UBE2Q2: variants seen among roughly 807,000 people sequenced by gnomAD.
UBE2Q2 encodes the protein ubiquitin-conjugating enzyme E2 Q2.
A neutral mutation model predicts 59.9 loss-of-function variants in UBE2Q2; 54 were observed. The observed-to-expected ratio is 0.90, with a 90% confidence interval of 0.72 to 1.13. UBE2Q2 has a LOEUF of 1.13. Among genes scored for constraint, UBE2Q2 ranks in the 50% most tolerant of loss-of-function variants. UBE2Q2 has a pLI of 0.00. For synonymous variants in UBE2Q2, 165 were observed against 155.2 expected, an observed-to-expected ratio of 1.06 and a Z score of -0.47; for missense variants, 433 against 441.9, an observed-to-expected ratio of 0.98 and a Z score of 0.18.
At chr15:75,863,854 C>T (rs150896299) in intron 3 of UBE2Q2, among the ~76,000 whole-genome samples, 367 of 152,176 alleles carry the variant, frequency 2.4e-3, no homozygotes, top group African/African-American at 7.7e-3. Context: ...GTTGGCCAGG[C>T]TGGTCTCGAA....
At chr15:75,849,467 C>T (rs1896525357) in intron 1 of UBE2Q2, among the ~76,000 whole-genome samples, 1 of 152,012 alleles carries the variant, frequency 6.6e-6, no homozygotes, top group Non-Finnish European at 1.5e-5. Flanking sequence ...TGAGATAGAG[C>T]CACACAATGG....
At chr15:75,877,842 T>C in intron 6 of UBE2Q2, 119 bp from the exon 7 acceptor site, 2 of 737,264 alleles carry the variant, frequency 2.7e-6, no homozygotes, top group Non-Finnish European at 4.4e-6. Flanking sequence ...AGCTTAGTTG[T>C]TCCATGTTTT....
intron 12 of UBE2Q2, among the ~76,000 whole-genome samples, chr15:75,898,565 T>C (rs1532783): frequency 0.04 from 6,071 of 152,268 alleles, 221 homozygotes; most frequent in African/African-American, 0.095. Context: ...TTGTTAACTA[T>C]AGTCACCATG....
At chr15:75,890,779 T>A in intron 10 of UBE2Q2, 140 bp from the exon 11 acceptor site, 1 of 748,590 alleles carries the variant, frequency 1.3e-6, no homozygotes, top group Non-Finnish European at 2.2e-6. Flanking sequence ...CTGGAAATGT[T>A]CCAATTTTAC....
rs573550669 is a variant in UBE2Q2, at chr15:75,873,106, G to A, written c.448-322G>A. ...TCTGGAACAAACTAGGAACACTTAA[G>A]GTTCTTGACACCTGCTGCTAAACTG... On this transcript the variant is annotated intron_variant, in intron 4 of 12. Transcript: ENST00000267938. 5.3e-5 allele frequency among the ~76,000 whole-genome samples: 8 copies of A among 152,312 alleles called. No homozygotes were observed. In the South Asian group the frequency reaches 1.7e-3, roughly 32 times the overall value.
In UBE2Q2 at chr15:75,843,514, A is replaced by T. The variant is rs1274117517; in HGVS notation, c.-153A>T. 2.6e-6 allele frequency: 1 copy of T among 385,590 alleles called. No individual in the cohort carries two copies. The highest frequency in any genetic ancestry group is 4.1e-6 in the Non-Finnish European group (1 of 246,120). The allele number at this position is 385,590 out of a possible 1,614,324, so 23.9% of individuals were successfully genotyped here. On this transcript the variant is annotated 5_prime_UTR_variant, in exon 1 of 13. Coordinates refer to ENST00000267938, the MANE Select transcript of UBE2Q2 (RefSeq NM_173469.4). ...CGCCGAGGCTTCCGCGCCCCTCGCC[A>T]TTTTCCAGCAGCGCTCGACGAGGCG...
chr15:75,850,823 C>T (rs1355563451), intron 1 of UBE2Q2, among the ~76,000 whole-genome samples: 1 of 152,118 alleles, frequency 6.6e-6, no homozygotes, highest in Admixed American at 6.5e-5. Context: ...ATGTAAGTTA[C>T]GTCTATTGGT....
At chr15:75,851,557 G>A (rs1400461041) in intron 1 of UBE2Q2, among the ~76,000 whole-genome samples, 9 of 152,086 alleles carry the variant, frequency 5.9e-5, no homozygotes, top group Non-Finnish European at 1.5e-5. Context: ...TCAAAAACTT[G>A]CATTTTATTA....
At position 75,879,153 on chromosome 15, in the gene UBE2Q2, G is replaced by A; in HGVS notation, c.790G>A (p.Gly264Ser). 2 of 1,601,584 alleles carry A rather than the reference G, an allele frequency of 1.2e-6. No individual in the cohort carries two copies. The highest frequency in any genetic ancestry group is 1.7e-6 in the Non-Finnish European group (2 of 1,174,358). Residue 264 changes from glycine (G) to serine (S), a missense_variant, in exon 8 of 13, where the codon GGC (glycine) becomes AGC (serine). Coordinates refer to ENST00000267938, the MANE Select transcript of UBE2Q2 (RefSeq NM_173469.4). ...SDLQILKEKE[G>S]IEYILLNFSF... Reference sequence around the variant, plus strand: ...TCTTCAGATCTTAAAAGAAAAAGAAGGCATAGAATATATTTTGCTTAACTT... The same window carrying A: ...TCTTCAGATCTTAAAAGAAAAAGAAAGCATAGAATATATTTTGCTTAACTT...
At chr15:75,865,601 A>G (rs1033763435) in intron 3 of UBE2Q2, among the ~76,000 whole-genome samples, 3 of 152,188 alleles carry the variant, frequency 2.0e-5, no homozygotes, top group Non-Finnish European at 2.9e-5. Context: ...AACTTTTTAA[A>G]AAGCATTTTC....
At chr15:75,876,142 T>A (rs1490342464) in intron 5 of UBE2Q2, 45 bp from the exon 6 acceptor site, 1 of 1,573,282 alleles carries the variant, frequency 6.4e-7, no homozygotes, top group African/African-American at 1.4e-5. Context: ...ATATCTTAAA[T>A]CTTAGCTCAG....
chr15:75,897,596 T>A (rs1899503962), intron 12 of UBE2Q2, among the ~76,000 whole-genome samples: 1 of 151,042 alleles, frequency 6.6e-6, no homozygotes, highest in Non-Finnish European at 1.5e-5. Context: ...GAATCAAGAT[T>A]TCTTTTTTTT....
At chr15:75,882,845 T>TTAGCAGGGC (rs1567037316) in intron 8 of UBE2Q2, among the ~76,000 whole-genome samples, 1 of 152,136 alleles carries the variant, frequency 6.6e-6, no homozygotes, top group Non-Finnish European at 1.5e-5. Flanking sequence ...AGCCGGAGAC[T>TTAGCAGGGC]TAGCAGGGCC....
intron 2 of UBE2Q2, among the ~76,000 whole-genome samples, chr15:75,859,420 T>A (rs990462637): frequency 6.6e-6 from 1 of 152,186 alleles, no homozygotes; most frequent in African/African-American, 2.4e-5. Flanking sequence ...TTTGCTTCTG[T>A]ATTTTTAAAT....
rs1300842017 is a variant in UBE2Q2 at position 75,843,587 on chromosome 15, C to T, written c.-80C>T. The T allele has an allele frequency of 3.1e-6, 4 of 1,300,772 alleles. No homozygotes were observed. The highest frequency in any genetic ancestry group is 1.6e-5 in the African/African-American group (1 of 63,210). 80.6% of individuals were successfully genotyped at this position (1,300,772 alleles called of 1,614,324 possible). On this transcript the variant is annotated 5_prime_UTR_variant, in exon 1 of 13. Coordinates refer to ENST00000267938, the MANE Select transcript of UBE2Q2 (RefSeq NM_173469.4). ...GCCGGCCCCGCGGGGCGGTCGCGGC[C>T]GTGACGGCGGCTCCGGGCCCGGCTC... is the stretch of plus-strand genomic sequence containing the variant.
intron 11 of UBE2Q2, among the ~76,000 whole-genome samples, chr15:75,891,942 G>C (rs1337262412): frequency 2.0e-5 from 3 of 152,100 alleles, no homozygotes; most frequent in Admixed American, 1.3e-4. Context: ...GGCAGCTTCT[G>C]ACCTATTTCT....
intron 1 of UBE2Q2, chr15:75,844,678 A>C (rs1184885308): frequency 1.8e-6 from 1 of 558,928 alleles, no homozygotes; most frequent in Non-Finnish European, 3.1e-6. Context: ...AAAGGAATTG[A>C]AGTATTAAGT....
At chr15:75,854,243 C>T in intron 1 of UBE2Q2, 143 bp from the exon 2 acceptor site, 1 of 548,708 alleles carries the variant, frequency 1.8e-6, no homozygotes, top group South Asian at 2.6e-5. Context: ...TCCAGCTCCT[C>T]ACAAGGTTTT....
intron 8 of UBE2Q2, 74 bp downstream of exon 8, chr15:75,879,262 AT>A (rs1454543166): frequency 1.3e-5 from 12 of 900,560 alleles, no homozygotes; most frequent in Non-Finnish European, 2.0e-5. Flanking sequence ...TTGGAAAACA[AT>A]TTGGTAAAGT....
Sources: gnomAD v4.1 joint callset for allele counts (sites outside exome capture counted in the v4.1 genomes callset) on GRCh38, gnomAD v4.1.1 for gene constraint, MANE v1.5 for transcripts, NCBI Gene and HGNC (gene_info 2026-07-23, HGNC 2026-07-21) for gene names.